Variants in CCDC171 observed in about 807,000 individuals in gnomAD.
The protein encoded by CCDC171 is coiled-coil domain containing 171.
A neutral mutation model predicts 168.2 loss-of-function variants in CCDC171; 177 were observed. The ratio of observed to expected loss-of-function variants is 1.05; its 90% CI spans 0.93 to 1.19. The LOEUF is 1.19. Ranked by LOEUF, CCDC171 falls within the 50% of genes most tolerant of loss-of-function variation. The pLI, the probability that CCDC171 is intolerant of heterozygous loss-of-function variation, is 0.00. For synonymous variants in CCDC171, 687 were observed against 540.8 expected (o/e 1.27, Z -3.75); for missense variants, 1,991 against 1,539.0 (o/e 1.29, Z -4.91).
At chr9:15,998,206 A>G (rs546004250) in intron 3 of CCDC171, among the ~76,000 whole-genome samples, 1 of 152,290 alleles carries the variant, frequency 6.6e-6, no homozygotes, top group Admixed American at 6.5e-5. Context: ...TGTTTTTGTG[A>G]AATGGTGCCA....
intron 6 of CCDC171, among the ~76,000 whole-genome samples, chr9:15,597,572 T>C (rs866259366): frequency 6.6e-6 from 1 of 152,212 alleles, no homozygotes; most frequent in African/African-American, 2.4e-5. Context: ...GATTTTTGCA[T>C]TGATGTTCAT....
chr9:15,949,165 C>G (rs1828806801), intron 25 of CCDC171, among the ~76,000 whole-genome samples: 1 of 152,090 alleles, frequency 6.6e-6, no homozygotes, highest in South Asian at 2.1e-4. Flanking sequence ...GGGCTCTGTT[C>G]TGTTCCATTG....
chr9:15,577,552 C>G (rs1356545700), intron 3 of CCDC171, among the ~76,000 whole-genome samples: 2 of 152,098 alleles, frequency 1.3e-5, no homozygotes, highest in African/African-American at 2.4e-5. Flanking sequence ...TATTAGCCAG[C>G]CAATATTATA....
chr9:15,868,620 A>T (rs998953377), intron 23 of CCDC171, among the ~76,000 whole-genome samples: 2 of 152,048 alleles, frequency 1.3e-5, no homozygotes, highest in Non-Finnish European at 1.5e-5. Context: ...TATGAAACAA[A>T]CATTGTTGCT....
In CCDC171 at chr9:16,029,279, A is replaced by G. The variant is rs1184639189; in HGVS notation, n.999-6178A>G. 2.7e-5 allele frequency among the ~76,000 whole-genome samples: 4 copies of G among 149,438 alleles called. No homozygotes were observed. The Admixed American group carries it at 2.8e-4, about 10-fold the overall frequency. On this transcript the variant is annotated intron_variant and non_coding_transcript_variant, in intron 6 of 9. Transcript: ENST00000486641. Reference sequence around the variant, plus strand: ...ATACATTTTAAAATGCCCATAATTCATGCCCACAAAAATTCTGGTTTAGGT... The same window carrying G: ...ATACATTTTAAAATGCCCATAATTCGTGCCCACAAAAATTCTGGTTTAGGT...
At chr9:15,953,220 G>T (rs1342465550) in intron 25 of CCDC171, among the ~76,000 whole-genome samples, 6 of 152,142 alleles carry the variant, frequency 3.9e-5, no homozygotes, top group Non-Finnish European at 7.4e-5. Flanking sequence ...TATGTTGAAT[G>T]CAAGTGGTGA....
intron 7 of CCDC171, among the ~76,000 whole-genome samples, chr9:15,648,687 CA>C (rs1406469756): frequency 6.6e-6 from 1 of 152,130 alleles, no homozygotes; most frequent in East Asian, 1.9e-4. Flanking sequence ...AATAAACTTA[CA>C]AGGGATGTGA....
chr9:16,094,077 A>T, the CCDC171 span, among the ~76,000 whole-genome samples: 6 of 152,198 alleles, frequency 3.9e-5, no homozygotes, highest in African/African-American at 1.4e-4. Flanking sequence ...AGGCATAGTA[A>T]GAGGTTGGAC....
the CCDC171 span, among the ~76,000 whole-genome samples, chr9:16,084,992 A>T: frequency 6.6e-6 from 1 of 152,316 alleles, no homozygotes; most frequent in African/African-American, 2.4e-5. Context: ...CCTAAAAATT[A>T]TGTGTGTATA....
intron 18 of CCDC171, among the ~76,000 whole-genome samples, chr9:15,749,740 T>G (rs886378864): frequency 6.6e-6 from 1 of 151,990 alleles, no homozygotes; most frequent in Non-Finnish European, 1.5e-5. Context: ...AATAACAAAA[T>G]GAAGGCAGAA....
chr9:15,634,121 C>T (rs559474221), intron 7 of CCDC171, among the ~76,000 whole-genome samples: 1 of 152,152 alleles, frequency 6.6e-6, no homozygotes, highest in East Asian at 1.9e-4. Flanking sequence ...CACATGTTTA[C>T]ATATGTAACT....
At position 15,579,004 on chromosome 9, in the gene CCDC171, G is replaced by T. The variant is rs774471039; in HGVS notation, c.333G>T (p.Arg111Ser). The change falls in exon 4 of 26, where the codon AGG becomes AGT. Residue 111 changes from arginine (R) to serine (S), a missense_variant. By Grantham distance (110) the Arg-to-Ser change is moderately radical. Transcript: ENST00000380701. The part of the protein sequence containing the change: ...AAEERLAEAH[R>S]IQEKLCAQNS... ...AAGAAAGATTAGCCGAGGCACATAGGATCCAAGAAAAACTCTGTGGTAAGA... is the reference window on the plus strand; with the variant it reads ...AAGAAAGATTAGCCGAGGCACATAGTATCCAAGAAAAACTCTGTGGTAAGA... 2 of 1,613,622 alleles carry T rather than the reference G, an allele frequency of 1.2e-6. No individual in the cohort carries two copies.
chr9:16,108,163 G>C, the CCDC171 span, among the ~76,000 whole-genome samples: 2 of 152,110 alleles, frequency 1.3e-5, no homozygotes, highest in Non-Finnish European at 2.9e-5. Flanking sequence ...AACAAAATTG[G>C]AGGCTACTTA....
intron 1 of CCDC171, chr9:16,042,947 G>C (rs1338387716): frequency 1.3e-5 from 2 of 152,078 alleles, no homozygotes; most frequent in African/African-American, 4.8e-5. Context: ...GGCCTATCAA[G>C]GATCATTTGA....
Position 15,994,263 on chromosome 9 carries a change from A to T in CCDC171, n.369-26326A>T, listed in dbSNP as rs930477201. ...ATGGCATCCTATGCAGCCATAAAAA[A>T]GGATGAGTTCATGTCCTTTGTAGGG... On this transcript the variant is annotated intron_variant and non_coding_transcript_variant, in intron 3 of 9. Coordinates refer to the CCDC171 transcript ENST00000486641. 4.6e-5 allele frequency among the ~76,000 whole-genome samples: 7 copies of T among 152,356 alleles called. No homozygotes were observed. In the East Asian group the frequency reaches 9.6e-4, roughly 21 times the overall value.
At chr9:15,650,117 G>A (rs1022801942) in intron 7 of CCDC171, among the ~76,000 whole-genome samples, 1 of 152,278 alleles carries the variant, frequency 6.6e-6, no homozygotes, top group African/African-American at 2.4e-5. Flanking sequence ...GATGAAGCTG[G>A]AAACCATCAT....
chr9:15,811,669 T>C (rs971196119), intron 21 of CCDC171, among the ~76,000 whole-genome samples: 1 of 152,224 alleles, frequency 6.6e-6, no homozygotes, highest in Non-Finnish European at 1.5e-5. Flanking sequence ...GAGTCCTGTC[T>C]TACATATTTT....
At chr9:15,643,689 A>T (rs983024499) in intron 7 of CCDC171, among the ~76,000 whole-genome samples, 9 of 152,162 alleles carry the variant, frequency 5.9e-5, no homozygotes, top group Non-Finnish European at 1.3e-4. Flanking sequence ...CACCCCACTA[A>T]GAAATTTCAT....
rs1469643943 is a variant in CCDC171 at position 15,594,160 on chromosome 9, AT to A, written c.666del (p.Phe222LeufsTer2). 7.0e-7 allele frequency: 1 copy of A among 1,422,436 alleles called. No homozygotes were observed. Among genetic ancestry groups the A allele is most frequent in the Non-Finnish European group, 9.9e-7 (1 of 1,015,062 alleles). 88.1% of individuals were successfully genotyped at this position (1,422,436 alleles called of 1,614,324 possible). A position where few individuals can be genotyped will look rare whatever the true frequency, so the allele number is the denominator to read the frequency against. Reference protein sequence around the residue: ...QWEAERRELQFIVQEQDTAVQ... With the variant: ...QWEAERRELQXIVQEQDTAVQ... ...GGGAAGCAGAAAGAAGAGAATTACA[AT>A]TTATAGTACAGGTATTTTAAAAATA... On this transcript the variant is annotated frameshift_variant, in exon 6 of 26. Transcript: ENST00000380701. LOFTEE classifies it high-confidence loss of function.
Sources: allele counts gnomAD v4.1 joint callset (sites outside exome capture counted in the v4.1 genomes callset), GRCh38; gene constraint gnomAD v4.1.1; transcripts MANE v1.5; gene names NCBI Gene and HGNC (gene_info 2026-07-23, HGNC 2026-07-21).